The following DNAJC7 variants were observed in gnomAD, a reference collection of about 807,000 sequenced individuals.
DNAJC7 encodes the protein DnaJ heat shock protein family (Hsp40) member C7, also known as dnaJ homolog subfamily C member 7.
In DNAJC7, 18 loss-of-function variants were observed where a neutral mutation model predicts 67.4. The observed-to-expected ratio is 0.27, with a 90% CI of 0.18 to 0.40. The LOEUF is 0.40. DNAJC7 is among the 10% of genes least tolerant of loss of function. The pLI, the probability that DNAJC7 is intolerant of heterozygous loss-of-function variation, is 1.00. For synonymous variants in DNAJC7, 220 were observed against 207.8 expected (o/e 1.06, Z -0.50); for missense variants, 419 against 613.8 (o/e 0.68, Z 3.35).
intron 4 of DNAJC7, 63 bp downstream of exon 4, chr17:41,996,248 G>T (rs547577296): frequency 6.5e-7 from 1 of 1,548,840 alleles, no homozygotes; most frequent in Non-Finnish European, 8.9e-7. Context: ...CGACTTTCAA[G>T]TAGCCACTCC....
intron 1 of DNAJC7, among the ~76,000 whole-genome samples, chr17:42,006,997 T>C (rs1292418186): frequency 1.4e-5 from 2 of 144,916 alleles, no homozygotes; most frequent in Non-Finnish European, 3.0e-5. Context: ...AGCTACTCAG[T>C]AGGCTGAGGC....
Position 42,009,665 on chromosome 17 carries a change from T to C in DNAJC7, c.77+7675A>G, listed in dbSNP as rs1475597222. 2.0e-5 allele frequency among the ~76,000 whole-genome samples: 3 copies of C among 152,222 alleles called. No individual in the cohort carries two copies. In the East Asian group the frequency reaches 5.8e-4, roughly 29 times the overall value. ...ACAATGAAGCTACTTCTGGGAAACA[T>C]GCTTCTCTGAAACCATTCTGAGGAT... On this transcript the variant is annotated intron_variant, in intron 1 of 13. Transcript: ENST00000457167.
intron 9 of DNAJC7, chr17:41,986,107 G>A (rs1291122699): frequency 7.4e-6 from 1 of 135,662 alleles, no homozygotes; most frequent in Non-Finnish European, 1.5e-5. Context: ...CACACCTGCT[G>A]GTAATTCCAG....
At chr17:42,004,843 C>T (rs1237313860) in intron 1 of DNAJC7, among the ~76,000 whole-genome samples, 1 of 152,130 alleles carries the variant, frequency 6.6e-6, no homozygotes, top group South Asian at 2.1e-4. Flanking sequence ...CTGGAAAACA[C>T]AGGGAGACTC....
At chr17:41,999,972 C>T (rs1250579287) in intron 2 of DNAJC7, among the ~76,000 whole-genome samples, 2 of 149,804 alleles carry the variant, frequency 1.3e-5, no homozygotes, top group African/African-American at 4.9e-5. Context: ...GTGCCCGCCA[C>T]CAGGCCCAGC....
At chr17:41,984,480 T>A (rs1555646481) in intron 9 of DNAJC7, 1 of 152,226 alleles carries the variant, frequency 6.6e-6, no homozygotes, top group African/African-American at 2.4e-5. Flanking sequence ...ATTTTTTATT[T>A]TTTTTTTTAG....
chr17:42,013,362 T>C (rs1157387550), intron 1 of DNAJC7: 1 of 152,248 alleles, frequency 6.6e-6, no homozygotes, highest in Admixed American at 6.5e-5. Flanking sequence ...CATGTAGCCA[T>C]TTAAAATGCT....
At position 41,981,665 on chromosome 17, in the gene DNAJC7, G is replaced by A. The variant is rs1468967840; in HGVS notation, c.1384+190C>T. Reference sequence around the variant, plus strand: ...TCCAAGCCTTCCCTTGCTAGTGCTCGCCTCCTCAGAGCTCACTGCACACTG... The same window carrying A: ...TCCAAGCCTTCCCTTGCTAGTGCTCACCTCCTCAGAGCTCACTGCACACTG... On this transcript the variant is annotated intron_variant, in intron 12 of 13. Transcript: ENST00000457167. 1.0e-5 allele frequency: 7 copies of A among 697,556 alleles called. No homozygotes were observed. The highest frequency in any genetic ancestry group is 2.8e-5 in the East Asian group (1 of 35,368). The allele number at this position is 697,556 out of a possible 1,614,324, so 43.2% of individuals were successfully genotyped here. A position where few individuals can be genotyped will look rare whatever the true frequency, so the allele number is the denominator to read the frequency against.
At chr17:42,014,190 T>C (rs1489812001) in intron 1 of DNAJC7, 4 of 148,938 alleles carry the variant, frequency 2.7e-5, no homozygotes, top group African/African-American at 9.9e-5. Context: ...TTTTTTGAAA[T>C]GGAGTCTCAC....
intron 5 of DNAJC7, 63 bp from the exon 6 acceptor site, chr17:41,990,445 A>C: frequency 7.1e-7 from 1 of 1,411,446 alleles, no homozygotes; most frequent in Non-Finnish European, 9.8e-7. Context: ...TCTTCACTTT[A>C]GTTTAGTCAC....
chr17:41,992,783 T>G (rs1354995783), intron 5 of DNAJC7: 1 of 152,226 alleles, frequency 6.6e-6, no homozygotes, highest in Non-Finnish European at 1.5e-5. Context: ...TCATAATTCT[T>G]CATTTGTGAC....
intron 12 of DNAJC7, 104 bp downstream of exon 12, chr17:41,981,751 G>T: frequency 6.9e-7 from 1 of 1,453,404 alleles, no homozygotes; most frequent in Non-Finnish European, 9.4e-7. Context: ...TTGGACCAGG[G>T]ATCAGATTTG....
chr17:41,977,403 G>C (rs1451111500), intron 12 of DNAJC7, 80 bp from the exon 13 acceptor site: 1 of 1,290,010 alleles, frequency 7.8e-7, no homozygotes, highest in Non-Finnish European at 1.1e-6. Context: ...ATGACACTGA[G>C]AACAGATCTC....
intron 13 of DNAJC7, chr17:41,976,988 C>T (rs782430301): frequency 1.2e-4 from 75 of 645,306 alleles, no homozygotes; most frequent in Non-Finnish European, 1.7e-4. Context: ...CTATATAGTA[C>T]CTTTGCTCTT....
chr17:42,014,454 CT>C (rs1170772370), intron 1 of DNAJC7: 8 of 152,148 alleles, frequency 5.3e-5, no homozygotes, highest in African/African-American at 1.7e-4. Flanking sequence ...GTGTGAGCCA[CT>C]GCACCCAGCC....
At chr17:41,989,993 T>C (rs546244766) in intron 6 of DNAJC7, among the ~76,000 whole-genome samples, 1 of 152,200 alleles carries the variant, frequency 6.6e-6, no homozygotes, top group Non-Finnish European at 1.5e-5. Context: ...ACCAGTGGAG[T>C]AGAAGGAAAA....
At chr17:41,991,975 C>T (rs137900447) in intron 5 of DNAJC7, among the ~76,000 whole-genome samples, 7 of 151,926 alleles carry the variant, frequency 4.6e-5, no homozygotes, top group East Asian at 2.0e-4. Context: ...GCCACTGCAT[C>T]TGGCAACACT....
chr17:41,982,481 A>T, intron 10 of DNAJC7, 80 bp from the exon 11 acceptor site: 1 of 1,537,894 alleles, frequency 6.5e-7, no homozygotes, highest in Admixed American at 1.9e-5. Context: ...GCTGCCTGGG[A>T]GTTAGAGGCC....
At chr17:41,999,015 G>A (rs2051734655) in intron 2 of DNAJC7, among the ~76,000 whole-genome samples, 1 of 151,586 alleles carries the variant, frequency 6.6e-6, no homozygotes, top group Non-Finnish European at 1.5e-5. Flanking sequence ...GTAAGACCCT[G>A]TCTCTATTTT....
Sources: gnomAD v4.1 joint callset for allele counts (sites outside exome capture counted in the v4.1 genomes callset) on GRCh38, gnomAD v4.1.1 for gene constraint, MANE v1.5 for transcripts, NCBI Gene and HGNC (gene_info 2026-07-23, HGNC 2026-07-21) for gene names.